Variants in HECW2 observed in about 807,000 individuals in gnomAD.
HECW2 encodes the protein HECT, C2 and WW domain containing E3 ubiquitin protein ligase 2, also known as E3 ubiquitin-protein ligase HECW2.
In HECW2, 61 loss-of-function variants were observed where a neutral mutation model predicts 175.2. That is an observed-to-expected ratio of 0.35 (90% CI 0.28 to 0.43). The LOEUF is 0.43. Among genes scored for constraint, HECW2 ranks in the 20% least tolerant of loss-of-function variants. The pLI is 1.00. For missense variants in HECW2, 1,524 were observed against 2,000.5 expected, an observed-to-expected ratio of 0.76 and a Z score of 4.54; for synonymous variants, 671 against 731.0, an observed-to-expected ratio of 0.92 and a Z score of 1.32.
chr2:196,366,020 C>G (rs1693734299), intron 2 of HECW2, among the ~76,000 whole-genome samples: 1 of 152,198 alleles, frequency 6.6e-6, no homozygotes. Flanking sequence ...ACAATAACTA[C>G]CTACCATTCA....
chr2:196,274,320 G>T (rs973150550), intron 15 of HECW2, among the ~76,000 whole-genome samples, 197 bp from the exon 16 acceptor site: 1 of 152,216 alleles, frequency 6.6e-6, no homozygotes, highest in Non-Finnish European at 1.5e-5. Flanking sequence ...GGTGGGGGGA[G>T]TTGAGGCATC....
chr2:196,254,428 T>C (rs1386956077), intron 18 of HECW2, among the ~76,000 whole-genome samples: 1 of 152,176 alleles, frequency 6.6e-6, no homozygotes, highest in South Asian at 2.1e-4. Context: ...AAATAAACAA[T>C]AGGGTCTCAG....
chr2:196,441,183 G>A (rs1455880335), intron 1 of HECW2, among the ~76,000 whole-genome samples: 1 of 152,102 alleles, frequency 6.6e-6, no homozygotes, highest in East Asian at 1.9e-4. Context: ...ATCTGGAGGT[G>A]AATGTCAATT....
chr2:196,423,684 T>TTGTGTGTG (rs60030164), intron 2 of HECW2, among the ~76,000 whole-genome samples: 5,680 of 139,764 alleles, frequency 0.041, 181 homozygotes, highest in East Asian at 0.11. Context: ...TAGTATTCCA[T>TTGTGTGTG]TGTGTGTGTG....
chr2:196,367,876 T>TTG (rs34963101), intron 2 of HECW2, among the ~76,000 whole-genome samples: 153 of 145,000 alleles, frequency 1.1e-3, no homozygotes, highest in Middle Eastern at 3.5e-3. Flanking sequence ...GTGTGTGTGT[T>TTG]TGTGTGTGTG....
intron 28 of HECW2, among the ~76,000 whole-genome samples, chr2:196,211,224 C>T (rs1038506230): frequency 2.0e-5 from 3 of 152,226 alleles, no homozygotes; most frequent in Admixed American, 2.0e-4. Flanking sequence ...AACACAGAAA[C>T]TCACACCATG....
At chr2:196,279,489 A>AT (rs1252264938) in intron 14 of HECW2, among the ~76,000 whole-genome samples, 1 of 151,954 alleles carries the variant, frequency 6.6e-6, no homozygotes, top group Admixed American at 6.6e-5. Flanking sequence ...TTGGGACTTT[A>AT]TTTTATGTGT....
chr2:196,374,187 T>C (rs1235437640), intron 2 of HECW2, among the ~76,000 whole-genome samples: 3 of 152,170 alleles, frequency 2.0e-5, no homozygotes, highest in African/African-American at 7.2e-5. Context: ...AGTCATATTA[T>C]AGGGTATTAT....
intron 10 of HECW2, among the ~76,000 whole-genome samples, chr2:196,308,916 A>G (rs1182983508): frequency 6.6e-6 from 1 of 152,264 alleles, no homozygotes; most frequent in Non-Finnish European, 1.5e-5. Context: ...GGTAATTTGC[A>G]CAGGAAACAT....
rs539476304 is a variant in HECW2, at chr2:196,563,466, T to C, written c.-36+30042A>G. ...CTGTAATCCCAGTTACCCAGGAGGC[T>C]GAGGCAGGAGAATCGCTTGAACCCA... On this transcript the variant is annotated intron_variant, in intron 1 of 28. Coordinates refer to ENST00000644978, the MANE Select transcript of HECW2 (RefSeq NM_001348768.2). 2.8e-5 allele frequency among the ~76,000 whole-genome samples: 4 copies of C among 141,304 alleles called. No individual in the cohort carries two copies. In the South Asian group the frequency reaches 6.2e-4, roughly 22 times the overall value. The allele number at this position is 141,304 out of a possible 152,430, so 92.7% of individuals were successfully genotyped here. A position where few individuals can be genotyped will look rare whatever the true frequency, so the allele number is the denominator to read the frequency against.
intron 21 of HECW2, 38 bp downstream of exon 21, chr2:196,240,411 A>AG: frequency 7.1e-7 from 1 of 1,410,228 alleles, no homozygotes; most frequent in African/African-American, 1.4e-5. Flanking sequence ...TTGTGGCCAC[A>AG]GCCTATGTTC....
intron 21 of HECW2, among the ~76,000 whole-genome samples, chr2:196,232,482 C>T (rs1285596907): frequency 6.6e-6 from 1 of 152,158 alleles, no homozygotes; most frequent in African/African-American, 2.4e-5. Context: ...GAGTGGAGCT[C>T]TTTGATGCTT....
chr2:196,416,279 G>T (rs1465025369), intron 2 of HECW2, among the ~76,000 whole-genome samples: 1 of 152,122 alleles, frequency 6.6e-6, no homozygotes, highest in African/African-American at 2.4e-5. Context: ...ATATAAGCAA[G>T]CACTCAGCCC....
intron 3 of HECW2, among the ~76,000 whole-genome samples, chr2:196,339,392 G>A (rs1349802338): frequency 6.6e-6 from 1 of 152,196 alleles, no homozygotes; most frequent in Non-Finnish European, 1.5e-5. Context: ...GCTGGGATGG[G>A]TAAGTATGTG....
chr2:196,218,697 G>GAA (rs143392917), intron 26 of HECW2, among the ~76,000 whole-genome samples: 2 of 148,604 alleles, frequency 1.3e-5, no homozygotes, highest in African/African-American at 4.9e-5. Flanking sequence ...CCCTCTGTCT[G>GAA]AAAAAAAAAA....
chr2:196,288,080 C>T (rs1256174523), intron 14 of HECW2: 2 of 151,476 alleles, frequency 1.3e-5, no homozygotes, highest in African/African-American at 2.4e-5. Flanking sequence ...TACAGGCACG[C>T]ATTCTTTTAT....
chr2:196,360,019 G>A (rs1693529968), intron 2 of HECW2, among the ~76,000 whole-genome samples: 2 of 152,198 alleles, frequency 1.3e-5, no homozygotes, highest in African/African-American at 4.8e-5. Flanking sequence ...CAGGAGGATT[G>A]CTTGAGCCCC....
At chr2:196,262,076 A>G (rs186879726) in intron 17 of HECW2, among the ~76,000 whole-genome samples, 160 of 152,338 alleles carry the variant, frequency 1.1e-3, no homozygotes, top group African/African-American at 3.5e-3. Flanking sequence ...CCCAGTCTAG[A>G]GTGCAGTGGT....
rs976674621 is a variant in HECW2, at chr2:196,197,742, C to A, written c.*3535G>T. The A allele has an allele frequency of 6.6e-6, 1 of 152,214 alleles. No individual in the cohort carries two copies. The highest frequency in any genetic ancestry group is 1.9e-4 in the East Asian group (1 of 5,200). 9.4% of individuals were successfully genotyped at this position (152,214 alleles called of 1,614,324 possible). ...GAATTGTGACTATGAAGTAATGAAA[C>A]TGATGCCACAAGCCATCCATGAAAA... On this transcript the variant is annotated 3_prime_UTR_variant, in exon 29 of 29. Transcript: ENST00000644978.
Sources: gnomAD v4.1 joint callset for allele counts (sites outside exome capture counted in the v4.1 genomes callset) on GRCh38, gnomAD v4.1.1 for gene constraint, MANE v1.5 for transcripts, NCBI Gene and HGNC (gene_info 2026-07-23, HGNC 2026-07-21) for gene names.